The following CNTNAP2 variants were observed in gnomAD, a reference collection of about 807,000 sequenced individuals.
CNTNAP2 encodes contactin associated protein 2.
In CNTNAP2, 98 loss-of-function variants were observed where a neutral mutation model predicts 155.2. That is an observed-to-expected ratio of 0.63 (90% CI 0.54 to 0.75). CNTNAP2 has a LOEUF of 0.75. Among genes scored for constraint, CNTNAP2 ranks in the 30% least tolerant of loss-of-function variants. CNTNAP2 has a pLI of 0.00. For missense variants in CNTNAP2, 1,727 were observed against 1,688.1 expected, an observed-to-expected ratio of 1.02 and a Z score of -0.40; for synonymous variants, 651 against 631.2, an observed-to-expected ratio of 1.03 and a Z score of -0.47.
intron 4 of CNTNAP2, among the ~76,000 whole-genome samples, chr7:147,096,358 G>A (rs184943287): frequency 6.6e-6 from 1 of 152,300 alleles, no homozygotes; most frequent in East Asian, 1.9e-4. Context: ...AATAACACCA[G>A]CATTCCTGCA....
In CNTNAP2 at chr7:146,886,219, G is replaced by A. The variant is rs570764232; in HGVS notation, c.402+46315G>A. Among the ~76,000 whole-genome samples the A allele has an allele frequency of 1.2e-4, 18 of 149,718 alleles. No individual in the cohort carries two copies. In the East Asian group the frequency reaches 3.3e-3, roughly 28 times the overall value. ...GGTAATTACTTTCTTAATTTGTCAG[G>A]ATTTTTCTGACTCTAAGGTTTTCCC... is the stretch of plus-strand genomic sequence containing the variant. On this transcript the variant is annotated intron_variant, in intron 3 of 23. Coordinates refer to ENST00000361727, the MANE Select transcript of CNTNAP2 (RefSeq NM_014141.6).
chr7:146,332,007 C>T (rs944259796), intron 1 of CNTNAP2, among the ~76,000 whole-genome samples: 9 of 151,892 alleles, frequency 5.9e-5, no homozygotes, highest in African/African-American at 2.2e-4. Context: ...TTATTTATTA[C>T]CACGTACATA....
At chr7:148,102,699 G>T (rs1804127035) in intron 15 of CNTNAP2, among the ~76,000 whole-genome samples, 1 of 152,222 alleles carries the variant, frequency 6.6e-6, no homozygotes, top group Admixed American at 6.5e-5. Flanking sequence ...GATTGCAGCA[G>T]TACCTCTTCG....
At chr7:146,758,554 T>A (rs1242264337) in intron 1 of CNTNAP2, among the ~76,000 whole-genome samples, 1 of 152,080 alleles carries the variant, frequency 6.6e-6, no homozygotes. Flanking sequence ...TGGGGAGGCT[T>A]TGCAATCATG....
intron 15 of CNTNAP2, among the ~76,000 whole-genome samples, chr7:148,009,007 G>A (rs1171906106): frequency 1.3e-5 from 2 of 152,162 alleles, no homozygotes; most frequent in East Asian, 3.9e-4. Flanking sequence ...GAAGTGACAT[G>A]GTTGGTCACT....
intron 11 of CNTNAP2, 120 bp downstream of exon 11, chr7:147,486,161 A>C: frequency 4.1e-6 from 3 of 735,420 alleles, no homozygotes; most frequent in South Asian, 1.8e-5. Flanking sequence ...AATCTGAAAA[A>C]CCAAGATTCC....
chr7:147,272,296 C>T (rs1487266853), intron 8 of CNTNAP2, among the ~76,000 whole-genome samples: 4 of 152,156 alleles, frequency 2.6e-5, no homozygotes, highest in African/African-American at 4.8e-5. Flanking sequence ...GACTCCCTTA[C>T]ATAATGTTAG....
At chr7:147,946,226 A>G (rs539381331) in intron 14 of CNTNAP2, among the ~76,000 whole-genome samples, 17 of 152,284 alleles carry the variant, frequency 1.1e-4, no homozygotes, top group Non-Finnish European at 2.1e-4. Context: ...AGCTCCTAGC[A>G]TGACTTCAGT....
chr7:146,418,250 C>T (rs1428679107), intron 1 of CNTNAP2, among the ~76,000 whole-genome samples: 3 of 152,180 alleles, frequency 2.0e-5, no homozygotes, highest in Non-Finnish European at 4.4e-5. Flanking sequence ...TCTCTAGTTG[C>T]TCTGACTTGC....
chr7:147,246,798 C>T (rs1333461184), intron 8 of CNTNAP2, among the ~76,000 whole-genome samples: 2 of 152,268 alleles, frequency 1.3e-5, no homozygotes, highest in Admixed American at 1.3e-4. Flanking sequence ...CCACCATGGC[C>T]TAACCAAGTT....
intron 12 of CNTNAP2, among the ~76,000 whole-genome samples, chr7:147,592,709 CACG>C (rs539347942): frequency 6.6e-6 from 1 of 152,216 alleles, no homozygotes; most frequent in South Asian, 2.1e-4. Context: ...TCCACATTTT[CACG>C]ACAAGAACAA....
chr7:147,042,737 T>C (rs1563055104), intron 3 of CNTNAP2, among the ~76,000 whole-genome samples: 2 of 152,214 alleles, frequency 1.3e-5, no homozygotes, highest in South Asian at 4.1e-4. Context: ...TTTCATGATT[T>C]AAAAAATAAT....
At chr7:147,517,389 C>T (rs1799146689) in intron 11 of CNTNAP2, among the ~76,000 whole-genome samples, 1 of 152,146 alleles carries the variant, frequency 6.6e-6, no homozygotes, top group African/African-American at 2.4e-5. Flanking sequence ...TTGAATTTTT[C>T]ACCATGTGCT....
intron 12 of CNTNAP2, among the ~76,000 whole-genome samples, chr7:147,586,523 GAGGA>G (rs1554408296): frequency 1.1e-3 from 48 of 42,036 alleles, no homozygotes; most frequent in Non-Finnish European, 1.5e-3. Context: ...AGAGAGAGAA[GAGGA>G]AGGAAGGAAG....
chr7:147,027,019 A>G (rs1275347285), intron 3 of CNTNAP2, among the ~76,000 whole-genome samples: 6 of 129,732 alleles, frequency 4.6e-5, no homozygotes, highest in African/African-American at 2.2e-4. Context: ...AAAAAAAAAC[A>G]AAAAAAAGAA....
At chr7:147,801,803 A>G (rs1366637061) in intron 13 of CNTNAP2, among the ~76,000 whole-genome samples, 1 of 151,894 alleles carries the variant, frequency 6.6e-6, no homozygotes, top group Non-Finnish European at 1.5e-5. Flanking sequence ...CAAAACCGCC[A>G]TTGTCATCAT....
rs544214110 is a variant in CNTNAP2, at chr7:146,849,435, T to C, written c.402+9531T>C. 2.0e-5 allele frequency among the ~76,000 whole-genome samples: 3 copies of C among 152,214 alleles called. No individual in the cohort carries two copies. In the East Asian group the frequency reaches 5.8e-4, roughly 29 times the overall value. On this transcript the variant is annotated intron_variant, in intron 3 of 23. Transcript: ENST00000361727. Reference sequence around the variant, plus strand: ...TCAGCAAGAAGTTCCATTACTATAATGAACCCCTGCTCATTTTGAGTAATT... The same window carrying C: ...TCAGCAAGAAGTTCCATTACTATAACGAACCCCTGCTCATTTTGAGTAATT...
intron 21 of CNTNAP2, among the ~76,000 whole-genome samples, chr7:148,277,610 C>T (rs1046854241): frequency 2.0e-5 from 3 of 148,700 alleles, no homozygotes; most frequent in Non-Finnish European, 3.0e-5. Context: ...CCACCGACCC[C>T]CTACACAGCA....
chr7:146,732,009 A>C (rs1279708355), intron 1 of CNTNAP2, among the ~76,000 whole-genome samples: 2 of 152,114 alleles, frequency 1.3e-5, no homozygotes, highest in African/African-American at 2.4e-5. Flanking sequence ...CAAATTACAC[A>C]ATTATTCCCA....
Sources: gnomAD v4.1 joint callset for allele counts (sites outside exome capture counted in the v4.1 genomes callset) on GRCh38, gnomAD v4.1.1 for gene constraint, MANE v1.5 for transcripts, NCBI Gene and HGNC (gene_info 2026-07-23, HGNC 2026-07-21) for gene names.